Variants in KCND2 observed in about 807,000 individuals in gnomAD.
KCND2 encodes potassium voltage-gated channel subfamily D member 2.
KCND2 carries 16 observed loss-of-function variants against 54.4 expected under a neutral mutation model. The ratio of observed to expected loss-of-function variants is 0.29; its 90% confidence interval spans 0.20 to 0.45. The LOEUF (loss-of-function observed/expected upper bound fraction) is 0.45. Among genes scored for constraint, KCND2 ranks in the 20% least tolerant of loss-of-function variants. The probability of loss-of-function intolerance (pLI) is 1.00; values close to 1 mark genes in which losing one functional copy is unlikely to be tolerated. For missense variants in KCND2, 486 were observed against 824.2 expected, an observed-to-expected ratio of 0.59 and a Z score of 5.02; for synonymous variants, 317 against 310.7, an observed-to-expected ratio of 1.02 and a Z score of -0.21.
intron 1 of KCND2, among the ~76,000 whole-genome samples, chr7:120,564,969 G>T (rs565627920): frequency 1.3e-5 from 2 of 152,280 alleles, no homozygotes; most frequent in East Asian, 3.9e-4. Context: ...CTCATGTAGA[G>T]TAACATTTGT....
At position 120,695,754 on chromosome 7, in the gene KCND2, C is replaced by G. The variant is rs564774143; in HGVS notation, c.1116-37149C>G. On this transcript the variant is annotated intron_variant, in intron 1 of 5. Transcript: ENST00000331113. ...CAATCCGTTCCCTCTGCACTTAAAG[C>G]TATTGATTTATTTATTTTTTACTAA... is the stretch of plus-strand genomic sequence containing the variant. Among the ~76,000 whole-genome samples, 8 of 152,180 alleles carry G rather than the reference C, an allele frequency of 5.3e-5. No homozygotes were observed. In the South Asian group the frequency reaches 8.3e-4, roughly 16 times the overall value.
intron 1 of KCND2, among the ~76,000 whole-genome samples, chr7:120,503,127 T>G (rs528796431): frequency 6.6e-6 from 1 of 152,038 alleles, no homozygotes; most frequent in Admixed American, 6.6e-5. Flanking sequence ...CTACTGAACT[T>G]CAGCCTTTTA....
intron 1 of KCND2, among the ~76,000 whole-genome samples, chr7:120,298,563 A>G (rs1799542192): frequency 6.6e-6 from 1 of 152,216 alleles, no homozygotes; most frequent in South Asian, 2.1e-4. Context: ...CCTGCTAATA[A>G]TCTCTAAAAA....
chr7:120,677,852 T>C (rs945325671), intron 1 of KCND2, among the ~76,000 whole-genome samples: 2 of 152,142 alleles, frequency 1.3e-5, no homozygotes, highest in African/African-American at 4.8e-5. Context: ...GTGCCTAATG[T>C]AGGCTTATGT....
At chr7:120,339,660 T>C (rs1415949057) in intron 1 of KCND2, among the ~76,000 whole-genome samples, 2 of 151,986 alleles carry the variant, frequency 1.3e-5, no homozygotes, top group Admixed American at 6.6e-5. Flanking sequence ...GGCACTTGGG[T>C]TACATTAGGG....
At position 120,365,583 on chromosome 7, in the gene KCND2, C is replaced by T. The variant is rs185654390; in HGVS notation, c.1115+89836C>T. On this transcript the variant is annotated intron_variant, in intron 1 of 5. Coordinates refer to ENST00000331113, the MANE Select transcript of KCND2 (RefSeq NM_012281.3). The stretch of plus-strand genomic sequence containing the variant: ...TTAGTCAATGCCCTGAACAAGCCTG[C>T]GTGCCCCTGATTAAGGTAAGGGCAG... Among the ~76,000 whole-genome samples, 19 of 152,174 alleles carry T rather than the reference C, an allele frequency of 1.2e-4. No individual in the cohort carries two copies. In the East Asian group the frequency reaches 2.7e-3, roughly 22 times the overall value.
chr7:120,444,070 A>G (rs1801984398), intron 1 of KCND2, among the ~76,000 whole-genome samples: 1 of 152,036 alleles, frequency 6.6e-6, no homozygotes, highest in Non-Finnish European at 1.5e-5. Flanking sequence ...TGATGCATTA[A>G]TGAAGTTAAC....
intron 1 of KCND2, among the ~76,000 whole-genome samples, chr7:120,330,869 A>G (rs1185740608): frequency 6.6e-6 from 1 of 152,142 alleles, no homozygotes; most frequent in Non-Finnish European, 1.5e-5. Flanking sequence ...GACCTCAATA[A>G]GGACTTTAAA....
At chr7:120,508,130 A>T (rs1427459930) in intron 1 of KCND2, among the ~76,000 whole-genome samples, 8 of 151,936 alleles carry the variant, frequency 5.3e-5, no homozygotes, top group Non-Finnish European at 1.2e-4. Context: ...TGTGAAACAA[A>T]ACCAATCAGC....
intron 1 of KCND2, among the ~76,000 whole-genome samples, chr7:120,354,917 C>T (rs2116390805): frequency 6.6e-6 from 1 of 152,220 alleles, no homozygotes; most frequent in South Asian, 2.1e-4. Flanking sequence ...TGATAAGTAT[C>T]TAGGTGTATG....
intron 1 of KCND2, among the ~76,000 whole-genome samples, chr7:120,677,817 A>G (rs920272205): frequency 1.3e-5 from 2 of 152,040 alleles, no homozygotes; most frequent in African/African-American, 2.4e-5. Flanking sequence ...AGATTGCAAT[A>G]TAAATAAGAT....
At chr7:120,313,077 C>G (rs147290515) in intron 1 of KCND2, among the ~76,000 whole-genome samples, 1 of 152,270 alleles carries the variant, frequency 6.6e-6, no homozygotes, top group East Asian at 1.9e-4. Context: ...CCACTTGGAA[C>G]TTTATTAACC....
chr7:120,741,064 A>AAAGG (rs981209615), intron 2 of KCND2, among the ~76,000 whole-genome samples: 3 of 151,366 alleles, frequency 2.0e-5, no homozygotes, highest in Non-Finnish European at 4.4e-5. Context: ...AAAAAAAAAG[A>AAAGG]AAGGAAGGAA....
At chr7:120,733,551 T>A (rs758860479) in intron 2 of KCND2, among the ~76,000 whole-genome samples, 2 of 152,096 alleles carry the variant, frequency 1.3e-5, no homozygotes, top group Non-Finnish European at 2.9e-5. Flanking sequence ...CAGAAACAGA[T>A]TCTTGGCAAA....
chr7:120,537,146 G>A (rs562220978), intron 1 of KCND2, among the ~76,000 whole-genome samples: 29 of 152,290 alleles, frequency 1.9e-4, no homozygotes, highest in Middle Eastern at 3.4e-3. Flanking sequence ...TCTATGGGAT[G>A]CAGGATACAT....
chr7:120,561,465 A>G (rs1792231404), intron 1 of KCND2, among the ~76,000 whole-genome samples: 1 of 152,054 alleles, frequency 6.6e-6, no homozygotes, highest in African/African-American at 2.4e-5. Flanking sequence ...AGGTATAACT[A>G]TTGTCATCTG....
At chr7:120,736,617 C>T (rs757165419) in intron 2 of KCND2, among the ~76,000 whole-genome samples, 3 of 151,866 alleles carry the variant, frequency 2.0e-5, no homozygotes, top group African/African-American at 4.8e-5. Context: ...ATATAATAAT[C>T]ATAGTAGTAA....
chr7:120,324,608 G>A, intron 1 of KCND2, among the ~76,000 whole-genome samples: 1 of 149,298 alleles, frequency 6.7e-6, no homozygotes, highest in Non-Finnish European at 1.5e-5. Flanking sequence ...TCAGATAGTT[G>A]TAGATAAGCG....
intron 1 of KCND2, among the ~76,000 whole-genome samples, chr7:120,443,882 CTCAG>C (rs1344653485): frequency 3.9e-5 from 6 of 152,082 alleles, no homozygotes; most frequent in African/African-American, 1.2e-4. Flanking sequence ...AACAACACTT[CTCAG>C]TCATTGTGAC....
Sources: gnomAD v4.1 joint callset for allele counts (sites outside exome capture counted in the v4.1 genomes callset) on GRCh38, gnomAD v4.1.1 for gene constraint, MANE v1.5 for transcripts, NCBI Gene and HGNC (gene_info 2026-07-23, HGNC 2026-07-21) for gene names.